Variants in GUCY2F observed in about 807,000 individuals in gnomAD.
GUCY2F encodes the protein guanylate cyclase 2F, retinal, also known as retinal guanylyl cyclase 2.
In GUCY2F, 61 loss-of-function variants were observed where a neutral mutation model predicts 73.1. The ratio of observed to expected loss-of-function variants is 0.83; its 90% CI spans 0.68 to 1.03. The LOEUF is 1.03. Among genes scored for constraint, GUCY2F ranks in the 50% least tolerant of loss-of-function variants. GUCY2F has a pLI of 0.00. For synonymous variants in GUCY2F, 331 were observed against 307.8 expected, an observed-to-expected ratio of 1.08 and a Z score of -0.79; for missense variants, 912 against 854.3, an observed-to-expected ratio of 1.07 and a Z score of -0.84.
chrX:109,456,626 C>T (rs976532763), intron 3 of GUCY2F, among the ~76,000 whole-genome samples: 2 of 111,607 alleles, frequency 1.8e-5, no homozygotes, highest in African/African-American at 6.5e-5. Flanking sequence ...GCCTGTTCTT[C>T]AGGATTCTCT....
chrX:109,398,765 G>A (rs915138124), intron 10 of GUCY2F, 67 bp from the exon 11 acceptor site: 1 of 966,448 alleles, frequency 1.0e-6, no homozygotes, highest in Non-Finnish European at 1.4e-6. Flanking sequence ...ATGCCCTCAA[G>A]GGCTCAGAGG....
intron 8 of GUCY2F, among the ~76,000 whole-genome samples, chrX:109,423,463 G>A (rs1931412748): frequency 9.0e-6 from 1 of 111,305 alleles, no homozygotes; most frequent in South Asian, 3.7e-4. Flanking sequence ...AGGGATGTGA[G>A]AAATGGGTGA....
intron 2 of GUCY2F, among the ~76,000 whole-genome samples, chrX:109,466,847 T>C (rs1213251484): frequency 8.9e-6 from 1 of 112,367 alleles, no homozygotes; most frequent in Non-Finnish European, 1.9e-5. Context: ...TTCAAACACC[T>C]TTTTACACTT....
At chrX:109,460,165 A>G (rs938422920) in intron 3 of GUCY2F, among the ~76,000 whole-genome samples, 19 of 111,731 alleles carry the variant, frequency 1.7e-4, no homozygotes, top group African/African-American at 5.8e-4. Context: ...TATATCTTAT[A>G]TATCTTATAG....
At chrX:109,458,158 A>G (rs945413576) in intron 3 of GUCY2F, among the ~76,000 whole-genome samples, 6 of 112,142 alleles carry the variant, frequency 5.4e-5, no homozygotes, top group African/African-American at 9.7e-5. Context: ...CAATAAATCT[A>G]TTCAAATCAA....
chrX:109,463,626 A>T (rs910080773), intron 3 of GUCY2F, among the ~76,000 whole-genome samples: 2 of 109,836 alleles, frequency 1.8e-5, no homozygotes, highest in Admixed American at 1.9e-4. Context: ...TTTAGTAGAG[A>T]TGGGGTTTCA....
At chrX:109,385,616 T>G in intron 15 of GUCY2F, among the ~76,000 whole-genome samples, 1 of 111,713 alleles carries the variant, frequency 9.0e-6, no homozygotes. Flanking sequence ...CCAAACATGT[T>G]TGTTGTAAGG....
At chrX:109,432,399 C>T (rs1048921278) in intron 7 of GUCY2F, among the ~76,000 whole-genome samples, 1 of 111,509 alleles carries the variant, frequency 9.0e-6, no homozygotes, top group African/African-American at 3.3e-5. Flanking sequence ...TGTCCTTTAG[C>T]GGGATCAAAG....
intron 8 of GUCY2F, among the ~76,000 whole-genome samples, chrX:109,421,996 C>G (rs1931381708): frequency 9.0e-6 from 1 of 111,449 alleles, no homozygotes; most frequent in Admixed American, 9.5e-5. Flanking sequence ...CTGTATCATT[C>G]CATTTACATA....
intron 6 of GUCY2F, among the ~76,000 whole-genome samples, chrX:109,445,084 T>C (rs1030545738): frequency 2.7e-5 from 3 of 111,787 alleles, no homozygotes; most frequent in Admixed American, 1.9e-4. Context: ...TTGTGTGGTA[T>C]GATTTGTCTC....
chrX:109,414,809 T>C (rs1363626517), intron 8 of GUCY2F, among the ~76,000 whole-genome samples: 3 of 111,687 alleles, frequency 2.7e-5, no homozygotes, highest in Non-Finnish European at 5.6e-5. Context: ...TTAGGGGTTG[T>C]AATAGAACAG....
intron 17 of GUCY2F, among the ~76,000 whole-genome samples, chrX:109,380,086 T>C (rs1341154288): frequency 1.8e-5 from 2 of 112,112 alleles, no homozygotes; most frequent in South Asian, 7.4e-4. Flanking sequence ...AAGAAGGTTC[T>C]TACTGGATAT....
chrX:109,401,474 C>G (rs1930838481), intron 10 of GUCY2F, among the ~76,000 whole-genome samples: 1 of 112,081 alleles, frequency 8.9e-6, no homozygotes, highest in African/African-American at 3.2e-5. Flanking sequence ...AATGGCCTTT[C>G]AATTATGAGA....
intron 4 of GUCY2F, 66 bp from the exon 5 acceptor site, chrX:109,452,173 A>G: frequency 1.6e-6 from 1 of 620,728 alleles, no homozygotes; most frequent in Non-Finnish European, 2.7e-6. Context: ...AAAGGGCACC[A>G]CAGAGTGACT....
rs1930509476 is a variant in GUCY2F, at chrX:109,389,418, CCAGT to C, written c.2782-759_2782-756del. Among the ~76,000 whole-genome samples, 4 of 112,164 alleles carry C rather than the reference CCAGT, an allele frequency of 3.6e-5. No homozygotes were observed. The South Asian group carries it at 1.5e-3, about 42-fold the overall frequency. ...CTGAAGGGACTTTTTATGAAATGCG[CCAGT>C]CAGACTGTGTTACTACAAGTTTGAA... On this transcript the variant is annotated intron_variant, in intron 14 of 19. Coordinates refer to ENST00000218006, the MANE Select transcript of GUCY2F (RefSeq NM_001522.3).
chrX:109,412,848 T>C (rs969209896), intron 8 of GUCY2F, among the ~76,000 whole-genome samples: 1 of 111,375 alleles, frequency 9.0e-6, no homozygotes, highest in African/African-American at 3.3e-5. Context: ...TATACCCTCT[T>C]CCATATTATT....
chrX:109,431,758 C>T (rs1931620565), intron 7 of GUCY2F, among the ~76,000 whole-genome samples: 1 of 108,916 alleles, frequency 9.2e-6, no homozygotes, highest in South Asian at 4.0e-4. Context: ...CCAGCTATGG[C>T]ACTGCATCTG....
At chrX:109,383,876 C>T (rs746944971) in intron 16 of GUCY2F, among the ~76,000 whole-genome samples, 2 of 112,515 alleles carry the variant, frequency 1.8e-5, no homozygotes, top group East Asian at 5.6e-4. Context: ...TACAAGCTTA[C>T]ATCAGTCCAG....
chrX:109,387,106 G>C (rs967559247), intron 15 of GUCY2F, among the ~76,000 whole-genome samples: 75 of 112,299 alleles, frequency 6.7e-4, no homozygotes, highest in African/African-American at 1.9e-3. Flanking sequence ...GATGGTAAGA[G>C]GCAAGAGTGA....
Sources: gnomAD v4.1 joint callset for allele counts (sites outside exome capture counted in the v4.1 genomes callset) on GRCh38, gnomAD v4.1.1 for gene constraint, MANE v1.5 for transcripts, NCBI Gene and HGNC (gene_info 2026-07-23, HGNC 2026-07-21) for gene names.